PTPRD: variants seen among roughly 807,000 people sequenced by gnomAD.
PTPRD encodes protein tyrosine phosphatase receptor type D.
PTPRD carries 34 observed loss-of-function variants against 214.5 expected under a neutral mutation model. The observed-to-expected ratio is 0.16, with a 90% CI of 0.12 to 0.21. The LOEUF is 0.21. Ranked by LOEUF, PTPRD falls within the 10% of genes least tolerant of loss-of-function variation. PTPRD has a pLI of 1.00. For synonymous variants in PTPRD, 1,128 were observed against 845.7 expected, an observed-to-expected ratio of 1.33 and a Z score of -5.79; for missense variants, 2,545 against 2,398.7, an observed-to-expected ratio of 1.06 and a Z score of -1.27.
At chr9:8,856,132 T>C (rs1308962593) in intron 11 of PTPRD, among the ~76,000 whole-genome samples, 3 of 152,182 alleles carry the variant, frequency 2.0e-5, no homozygotes, top group Non-Finnish European at 4.4e-5. Context: ...TAAAGCAGAA[T>C]ATATGTTCAA....
intron 4 of PTPRD, among the ~76,000 whole-genome samples, chr9:9,956,651 G>A (rs1271732095): frequency 1.3e-5 from 2 of 152,066 alleles, no homozygotes; most frequent in East Asian, 1.9e-4. Flanking sequence ...AATTAAGGTA[G>A]GACATATGTG....
rs373084791 is a variant in PTPRD, at chr9:9,739,201, A to G, written c.-325-4630T>C. The stretch of plus-strand genomic sequence containing the variant: ...TACATTTTGCATTCACGCATTTACC[A>G]AGACCACAAATACAACACTGAATAC... On this transcript the variant is annotated intron_variant, in intron 6 of 45. Transcript: ENST00000381196. Among the ~76,000 whole-genome samples the G allele has an allele frequency of 1.1e-4, 16 of 152,330 alleles. No individual in the cohort carries two copies. In the South Asian group the frequency reaches 2.7e-3, roughly 26 times the overall value.
intron 8 of PTPRD, among the ~76,000 whole-genome samples, chr9:9,427,180 A>G (rs2081291100): frequency 6.6e-6 from 1 of 152,146 alleles, no homozygotes. Context: ...GATTAGACGA[A>G]TGGCTGACTA....
Position 9,575,717 on chromosome 9 carries a change from C to CAAAAAAAAAAA in PTPRD, c.-286-947_-286-937dup, listed in dbSNP as rs757614546. Among the ~76,000 whole-genome samples the CAAAAAAAAAAA allele has an allele frequency of 1.6e-3, 54 of 33,310 alleles. 1 individual carries two copies. Among genetic ancestry groups the CAAAAAAAAAAA allele is most frequent in the East Asian group, 5.4e-3 (4 of 744 alleles). 21.9% of individuals were successfully genotyped at this position (33,310 alleles called of 152,430 possible). On this transcript the variant is annotated intron_variant, in intron 7 of 45. Coordinates refer to ENST00000381196, the MANE Select transcript of PTPRD (RefSeq NM_002839.4). ...CCTGGGTGACAGAGCAAGACTGTCT[C>CAAAAAAAAAAA]AAAAAAAAAAAAAAAAAAAAAAAAA... is the stretch of plus-strand genomic sequence containing the variant.
intron 44 of PTPRD, among the ~76,000 whole-genome samples, chr9:8,328,486 T>A (rs1302264835): frequency 6.6e-6 from 1 of 152,114 alleles, no homozygotes; most frequent in Non-Finnish European, 1.5e-5. Flanking sequence ...AATCTGATGA[T>A]TCATTGTGTG....
At chr9:9,880,123 G>A (rs2068188182) in intron 5 of PTPRD, among the ~76,000 whole-genome samples, 2 of 152,096 alleles carry the variant, frequency 1.3e-5, no homozygotes, top group Non-Finnish European at 2.9e-5. Flanking sequence ...GTGTTCTTGT[G>A]ATAGTGAGTG....
chr9:9,333,065 A>G (rs1386617166), intron 9 of PTPRD, among the ~76,000 whole-genome samples: 1 of 151,970 alleles, frequency 6.6e-6, no homozygotes, highest in Non-Finnish European at 1.5e-5. Context: ...TAAATGTTTG[A>G]GCTGTTCGGG....
In PTPRD at chr9:10,276,769, G is replaced by C. The variant is rs566823525; in HGVS notation, c.-545+64194C>G. ...AAGGCCAGGTAGTAGAGAAAGTAAA[G>C]TACTCTTATTGTTAAAAAATTATAG... On this transcript the variant is annotated intron_variant, in intron 3 of 45. Transcript: ENST00000381196. Among the ~76,000 whole-genome samples, 21 of 152,272 alleles carry C rather than the reference G, an allele frequency of 1.4e-4. 1 individual carries two copies. The South Asian group carries it at 3.7e-3, about 27-fold the overall frequency.
chr9:10,286,555 G>A (rs1260627282), intron 3 of PTPRD, among the ~76,000 whole-genome samples: 1 of 152,092 alleles, frequency 6.6e-6, no homozygotes, highest in Admixed American at 6.6e-5. Flanking sequence ...CACTATTGAA[G>A]CCAATGGTAT....
intron 9 of PTPRD, among the ~76,000 whole-genome samples, chr9:9,324,977 G>A (rs937437458): frequency 6.6e-6 from 1 of 152,112 alleles, no homozygotes; most frequent in East Asian, 1.9e-4. Context: ...GTTTTTGTCA[G>A]GTTTGTTAAA....
chr9:8,600,047 C>T (rs922929704), intron 14 of PTPRD, among the ~76,000 whole-genome samples: 2 of 152,158 alleles, frequency 1.3e-5, no homozygotes, highest in Non-Finnish European at 2.9e-5. Flanking sequence ...GCTGCCCCTC[C>T]CCCATCCCCT....
At chr9:10,014,375 T>C (rs959733752) in intron 4 of PTPRD, among the ~76,000 whole-genome samples, 3 of 152,032 alleles carry the variant, frequency 2.0e-5, no homozygotes, top group Non-Finnish European at 4.4e-5. Context: ...ACATTTACTT[T>C]TCACATTTTA....
intron 12 of PTPRD, among the ~76,000 whole-genome samples, chr9:8,705,930 C>A (rs1270334181): frequency 6.6e-6 from 1 of 152,140 alleles, no homozygotes; most frequent in Non-Finnish European, 1.5e-5. Flanking sequence ...AAATGGCCAA[C>A]TGTGATTCGG....
chr9:9,312,155 G>A (rs940954521), intron 9 of PTPRD, among the ~76,000 whole-genome samples: 2 of 152,026 alleles, frequency 1.3e-5, no homozygotes, highest in East Asian at 3.9e-4. Context: ...TATTTCATTT[G>A]ATCCTAAAAA....
At position 9,216,850 on chromosome 9, in the gene PTPRD, C is replaced by A. The variant is rs564124754; in HGVS notation, c.-202-33487G>T. ...ACTGTGTTAATATAAAAATAAATAACCTTAAAATAATTTAAAATGGAACAG... is the reference window on the plus strand; with the variant it reads ...ACTGTGTTAATATAAAAATAAATAAACTTAAAATAATTTAAAATGGAACAG... On this transcript the variant is annotated intron_variant, in intron 9 of 45. Coordinates refer to ENST00000381196, the MANE Select transcript of PTPRD (RefSeq NM_002839.4). Among the ~76,000 whole-genome samples the A allele has an allele frequency of 5.9e-5, 9 of 152,040 alleles. No individual in the cohort carries two copies. The South Asian group carries it at 1.0e-3, about 18-fold the overall frequency.
chr9:9,317,475 AC>A (rs1963885538), intron 9 of PTPRD, among the ~76,000 whole-genome samples: 1 of 151,928 alleles, frequency 6.6e-6, no homozygotes, highest in Non-Finnish European at 1.5e-5. Flanking sequence ...ACTCCTTTCC[AC>A]AATTAGGGAT....
chr9:10,048,104 G>C (rs2097441735), intron 3 of PTPRD, among the ~76,000 whole-genome samples: 1 of 152,120 alleles, frequency 6.6e-6, no homozygotes, highest in Non-Finnish European at 1.5e-5. Context: ...CATATACAAG[G>C]TTTCCTACGT....
intron 4 of PTPRD, among the ~76,000 whole-genome samples, chr9:10,030,742 T>G (rs548423562): frequency 6.6e-6 from 1 of 152,304 alleles, no homozygotes; most frequent in Non-Finnish European, 1.5e-5. Context: ...TGGTATCCTG[T>G]GTCCTGAACA....
chr9:9,009,979 C>T (rs1231666675), intron 11 of PTPRD, among the ~76,000 whole-genome samples: 2 of 152,050 alleles, frequency 1.3e-5, no homozygotes, highest in Non-Finnish European at 2.9e-5. Flanking sequence ...TAGGCCTTCC[C>T]TTTAAAGGGA....
Sources: allele counts gnomAD v4.1 joint callset (sites outside exome capture counted in the v4.1 genomes callset), GRCh38; gene constraint gnomAD v4.1.1; transcripts MANE v1.5; gene names NCBI Gene and HGNC (gene_info 2026-07-23, HGNC 2026-07-21).